Variants in SMARCA4 observed in about 807,000 individuals in gnomAD.
The protein encoded by SMARCA4 is SWI/SNF related BAF chromatin remodeling complex subunit ATPase 4.
SMARCA4 carries 31 observed loss-of-function variants against 193.9 expected under a neutral mutation model. The ratio of observed to expected loss-of-function variants is 0.16; its 90% CI spans 0.12 to 0.22. SMARCA4 has a LOEUF of 0.22. Among genes scored for constraint, SMARCA4 ranks in the 10% least tolerant of loss-of-function variants. SMARCA4 has a pLI of 1.00. For missense variants in SMARCA4, 1,148 were observed against 2,296.0 expected (o/e 0.50, Z 10.22); for synonymous variants, 942 against 933.1 (o/e 1.01, Z -0.17).
chr19:11,042,332 C>T (rs1313467985), intron 30 of SMARCA4, among the ~76,000 whole-genome samples: 2 of 152,256 alleles, frequency 1.3e-5, no homozygotes, highest in African/African-American at 4.8e-5. Flanking sequence ...ATGTTCTCAG[C>T]AACTCCCCAG....
chr19:11,000,069 T>C (rs953413636), intron 11 of SMARCA4, among the ~76,000 whole-genome samples: 1 of 151,768 alleles, frequency 6.6e-6, no homozygotes, highest in Non-Finnish European at 1.5e-5. Flanking sequence ...CTGCTAAAAA[T>C]ACAAAAAATT....
chr19:11,014,440 G>A (rs1425389000), intron 16 of SMARCA4, among the ~76,000 whole-genome samples: 1 of 152,252 alleles, frequency 6.6e-6, no homozygotes, highest in Non-Finnish European at 1.5e-5. Context: ...CTCTGAAGGA[G>A]CAGGGCGTCC....
At chr19:10,983,878 G>C (rs534995127) in intron 1 of SMARCA4, among the ~76,000 whole-genome samples, 5 of 152,098 alleles carry the variant, frequency 3.3e-5, no homozygotes, top group African/African-American at 1.2e-4. Context: ...AGGCCCCTGT[G>C]GGGCAGTGCT....
chr19:11,018,408 A>G (rs1252749974), intron 16 of SMARCA4: 7 of 258,684 alleles, frequency 2.7e-5, no homozygotes, highest in Non-Finnish European at 4.6e-5. Flanking sequence ...CCCACAGGGG[A>G]ACAGCCACGA....
chr19:10,978,548 G>A (rs1475519983), intron 1 of SMARCA4, among the ~76,000 whole-genome samples: 10 of 151,720 alleles, frequency 6.6e-5, no homozygotes, highest in Admixed American at 4.6e-4. Context: ...TGGTCAGGCT[G>A]GTCTCGAACT....
chr19:11,013,058 A>G lies in SMARCA4; in HGVS notation c.2384A>G (p.Tyr795Cys). The change falls in exon 16 of 35, where the codon TAC becomes TGC. Residue 795 changes from tyrosine to cysteine, a missense_variant. By Grantham distance (194) the Tyr-to-Cys change is radical. This residue lies in a region of SMARCA4 where 54 missense variants were observed against 123.3 expected (regional missense o/e 0.44). Coordinates refer to ENST00000344626, the MANE Select transcript of SMARCA4 (RefSeq NM_003072.5). ...KTIQTIALIT[Y>C]LMEHKRINGP... ...ATCCAGACCATCGCGCTCATCACGTACCTCATGGAGCACAAACGCATCAAT... is the reference window on the plus strand; with the variant it reads ...ATCCAGACCATCGCGCTCATCACGTGCCTCATGGAGCACAAACGCATCAAT... 1 of 1,614,046 alleles carries G rather than the reference A, an allele frequency of 6.2e-7. No individual in the cohort carries two copies. Among genetic ancestry groups the G allele is most frequent in the South Asian group, 1.1e-5 (1 of 91,084 alleles).
chr19:11,044,933 A>G (rs2075814579), intron 30 of SMARCA4, among the ~76,000 whole-genome samples: 2 of 152,286 alleles, frequency 1.3e-5, no homozygotes, highest in South Asian at 2.1e-4. Flanking sequence ...TGGAGGCCTA[A>G]TCGTACAGGG....
intron 30 of SMARCA4, among the ~76,000 whole-genome samples, chr19:11,046,365 A>C (rs1179914668): frequency 6.6e-6 from 1 of 152,240 alleles, no homozygotes; most frequent in Non-Finnish European, 1.5e-5. Context: ...GTCACACAGC[A>C]ATGCTCCTGT....
Position 11,058,691 on chromosome 19 carries a change from A to C in SMARCA4, c.4534-97A>C. 1 of 1,048,386 alleles carries C rather than the reference A, an allele frequency of 9.5e-7. No homozygotes were observed. Among genetic ancestry groups the C allele is most frequent in the South Asian group, 1.3e-5 (1 of 78,032 alleles). The allele number at this position is 1,048,386 out of a possible 1,614,324, so 64.9% of individuals were successfully genotyped here. A position where few individuals can be genotyped will look rare whatever the true frequency, so the allele number is the denominator to read the frequency against. On this transcript the variant is annotated intron_variant, in intron 31 of 34. Coordinates refer to ENST00000344626, the MANE Select transcript of SMARCA4 (RefSeq NM_003072.5). This position sits in a 1 kb window ranked among gnomAD's most constrained non-coding sequence, Gnocchi z 5.8. ...CTTCGGCCACATCCTCATAGGCACG[A>C]GGAATCCTAGCCCGTGGGGTCTCCA...
chr19:10,964,446 G>A lies in SMARCA4; in HGVS notation c.-32+3272G>A, dbSNP rs1188892814. Among the ~76,000 whole-genome samples the A allele has an allele frequency of 5.3e-5, 8 of 151,850 alleles. No homozygotes were observed. In the East Asian group the frequency reaches 1.5e-3, roughly 29 times the overall value. On this transcript the variant is annotated intron_variant, in intron 1 of 34. Transcript: ENST00000344626. ...CTGACTCAGCCTCCTGAGTAGCTGG[G>A]ATCACAGGTGTGCACCACCACACCT...
In SMARCA4 at chr19:11,003,123, C is replaced by G. The variant is rs201807686; in HGVS notation, c.1907C>G (p.Ala636Gly). Residue 636 changes from alanine to glycine, a missense_variant, in exon 12 of 35, where the codon GCC becomes GGC. Physicochemically the swap from Ala to Gly is moderately conservative, Grantham distance 60. Around this residue, in one of 17 missense-constraint regions of SMARCA4, gnomAD observed 115 missense variants for 175.1 expected, o/e 0.66. Coordinates refer to ENST00000344626, the MANE Select transcript of SMARCA4 (RefSeq NM_003072.5). ...KILTGTDAPK[A>G]GQLEAWLEMN... Reference sequence around the variant, plus strand: ...CTCACAGGCACAGATGCCCCCAAAGCCGGGCAGCTGGAGGCCTGGCTCGAG... The same window carrying G: ...CTCACAGGCACAGATGCCCCCAAAGGCGGGCAGCTGGAGGCCTGGCTCGAG... The G allele has an allele frequency of 1.5e-5, 25 of 1,614,108 alleles. No homozygotes were observed. Among genetic ancestry groups the G allele is most frequent in the Non-Finnish European group, 2.1e-5 (25 of 1,180,012 alleles).
intron 30 of SMARCA4, among the ~76,000 whole-genome samples, chr19:11,057,905 C>T (rs1164436966): frequency 1.3e-5 from 2 of 151,830 alleles, no homozygotes; most frequent in Non-Finnish European, 2.9e-5. Context: ...GAGTTTGAGA[C>T]CAGTCTGACC....
intron 16 of SMARCA4, among the ~76,000 whole-genome samples, chr19:11,015,532 G>A (rs961337946): frequency 2.0e-5 from 3 of 152,174 alleles, no homozygotes; most frequent in African/African-American, 7.2e-5. Context: ...CGGGCAAGGT[G>A]CCTGCTGGGT....
intron 8 of SMARCA4, among the ~76,000 whole-genome samples, chr19:10,991,817 A>G (rs1600031281): frequency 6.6e-6 from 1 of 152,088 alleles, no homozygotes; most frequent in South Asian, 2.1e-4. Context: ...AAGGGAGCGC[A>G]GGGAGGTGAC....
chr19:10,996,233 C>T lies in SMARCA4; in HGVS notation c.1614C>T (p.Tyr538=), dbSNP rs756423082. Reference sequence around the variant, plus strand: ...TGTAGGCTGAAGATGAGGAGGGGTACCGCAAGCTCATCGACCAGAAGAAGG... The same window carrying T: ...TGTAGGCTGAAGATGAGGAGGGGTATCGCAAGCTCATCGACCAGAAGAAGG... ...RRLMAEDEEG[Y]RKLIDQKKDK... The change falls in exon 10 of 35, where the codon TAC becomes TAT. Residue 538 remains tyrosine (Y), a synonymous_variant. Coordinates refer to ENST00000344626, the MANE Select transcript of SMARCA4 (RefSeq NM_003072.5). 6.2e-7 allele frequency: 1 copy of T among 1,614,208 alleles called. No homozygotes were observed. Among genetic ancestry groups the T allele is most frequent in the Non-Finnish European group, 8.5e-7 (1 of 1,180,028 alleles).
At chr19:11,035,264 C>G in intron 29 of SMARCA4, 132 bp downstream of exon 29, 2 of 866,590 alleles carry the variant, frequency 2.3e-6, no homozygotes, top group Non-Finnish European at 3.8e-6. Flanking sequence ...CCAGGCTCCG[C>G]AGGCAGCCGA....
At chr19:10,980,336 A>G (rs182655916) in intron 1 of SMARCA4, among the ~76,000 whole-genome samples, 6 of 152,284 alleles carry the variant, frequency 3.9e-5, no homozygotes, top group East Asian at 1.9e-4. Flanking sequence ...TTCGGGCACA[A>G]AATGGTTTTT....
At chr19:11,060,605 A>C (rs11670205) in intron 34 of SMARCA4, 71,388 of 268,438 alleles carry the variant, frequency 0.27, 9,971 homozygotes, top group South Asian at 0.31. Flanking sequence ...AAACGCCAAG[A>C]CCACAGTGGA....
At position 11,019,504 on chromosome 19, in the gene SMARCA4, G is replaced by C. The variant is rs1315619138; in HGVS notation, c.2506-87G>C. ...GGACGAGCCCTCCCGCCGTGTCACT[G>C]GGCAGTTGCAGGGGGTGCCTGTGCC... On this transcript the variant is annotated intron_variant, in intron 17 of 34. Coordinates refer to ENST00000344626, the MANE Select transcript of SMARCA4 (RefSeq NM_003072.5). This position sits in a 1 kb window ranked among gnomAD's most constrained non-coding sequence, Gnocchi z 6.1. 1.3e-6 allele frequency: 1 copy of C among 796,418 alleles called. No individual in the cohort carries two copies. The highest frequency in any genetic ancestry group is 2.7e-5 in the East Asian group (1 of 37,586). 49.3% of individuals were successfully genotyped at this position (796,418 alleles called of 1,614,324 possible).
Sources: allele counts gnomAD v4.1 joint callset (sites outside exome capture counted in the v4.1 genomes callset), GRCh38; gene constraint gnomAD v4.1.1; regional missense constraint gnomAD v4.1.1; non-coding constraint Gnocchi (gnomAD v3.1); transcripts MANE v1.5; gene names NCBI Gene and HGNC (gene_info 2026-07-23, HGNC 2026-07-21).